Variants in ST8SIA1 observed in about 807,000 individuals in gnomAD.
The protein encoded by ST8SIA1 is ST8 alpha-N-acetyl-neuraminide alpha-2,8-sialyltransferase 1.
A neutral mutation model predicts 35.9 loss-of-function variants in ST8SIA1; 16 were observed. The ratio of observed to expected loss-of-function variants is 0.45; its 90% confidence interval spans 0.30 to 0.68. The LOEUF is 0.68. Among genes scored for constraint, ST8SIA1 ranks in the 30% least tolerant of loss-of-function variants. ST8SIA1 has a pLI of 0.09. For synonymous variants in ST8SIA1, 170 were observed against 169.6 expected, an observed-to-expected ratio of 1.00 and a Z score of -0.02; for missense variants, 383 against 453.6, an observed-to-expected ratio of 0.84 and a Z score of 1.41.
At chr12:22,326,030 A>G (rs1866674714) in intron 1 of ST8SIA1, 1 of 469,334 alleles carries the variant, frequency 2.1e-6, no homozygotes, top group Admixed American at 4.1e-5. Flanking sequence ...AAAACTTATG[A>G]ATTGTTTATT....
intron 1 of ST8SIA1, among the ~76,000 whole-genome samples, chr12:22,291,833 T>G (rs1376313235): frequency 6.6e-6 from 1 of 152,138 alleles, no homozygotes; most frequent in Non-Finnish European, 1.5e-5. Context: ...ACAAAAAAAT[T>G]ATGAGGAATT....
At chr12:22,317,190 A>G (rs1021250027) in intron 1 of ST8SIA1, among the ~76,000 whole-genome samples, 5 of 152,334 alleles carry the variant, frequency 3.3e-5, no homozygotes, top group African/African-American at 1.2e-4. Flanking sequence ...AAAATAAAAC[A>G]GTATTGCTTT....
intron 2 of ST8SIA1, among the ~76,000 whole-genome samples, chr12:22,285,908 T>G (rs1175323247): frequency 8.2e-6 from 1 of 122,324 alleles, no homozygotes; most frequent in Admixed American, 7.7e-5. Context: ...GACATTTCCA[T>G]GCATTATCTA....
At chr12:22,261,306 G>C (rs558292350) in intron 2 of ST8SIA1, among the ~76,000 whole-genome samples, 186 of 151,958 alleles carry the variant, frequency 1.2e-3, no homozygotes, top group African/African-American at 4.2e-3. Context: ...CACCACGCTC[G>C]GGTCTTTTTT....
intron 1 of ST8SIA1, chr12:22,325,292 C>A: frequency 1.7e-6 from 1 of 575,346 alleles, no homozygotes; most frequent in South Asian, 2.2e-5. Flanking sequence ...ACGAAAGGCC[C>A]TTTTCTCATT....
At chr12:22,319,116 A>G (rs543245481) in intron 1 of ST8SIA1, among the ~76,000 whole-genome samples, 31 of 152,214 alleles carry the variant, frequency 2.0e-4, no homozygotes, top group Non-Finnish European at 3.7e-4. Flanking sequence ...TCTTTGTAAA[A>G]TAAGTATAAT....
chr12:22,260,612 C>T (rs190502255), intron 2 of ST8SIA1, among the ~76,000 whole-genome samples: 17 of 152,256 alleles, frequency 1.1e-4, no homozygotes, highest in Admixed American at 9.2e-4. Flanking sequence ...CCTTCAACCC[C>T]TCAGTGCCTC....
chr12:22,318,991 T>C (rs1379098550), intron 1 of ST8SIA1, among the ~76,000 whole-genome samples: 2 of 152,204 alleles, frequency 1.3e-5, no homozygotes, highest in African/African-American at 4.8e-5. Flanking sequence ...GATCTTAACA[T>C]CCACAAACAT....
At chr12:22,315,898 G>A (rs1424975506) in intron 1 of ST8SIA1, among the ~76,000 whole-genome samples, 1 of 152,096 alleles carries the variant, frequency 6.6e-6, no homozygotes, top group Non-Finnish European at 1.5e-5. Context: ...TAGATGATGG[G>A]TTGATAGGTA....
rs757057209 is a variant in ST8SIA1 at position 22,334,577 on chromosome 12, C to T, written c.-345G>A. The T allele has an allele frequency of 7.4e-4, 250 of 338,856 alleles. No homozygotes were observed. The highest frequency in any genetic ancestry group is 1.2e-3 in the Non-Finnish European group (227 of 181,652). The allele number at this position is 338,856 out of a possible 1,614,324, so 21.0% of individuals were successfully genotyped here. On this transcript the variant is annotated 5_prime_UTR_variant, in exon 1 of 5. Coordinates refer to ENST00000396037, the MANE Select transcript of ST8SIA1 (RefSeq NM_003034.4). Reference sequence around the variant, plus strand: ...CCCGCCGGTTCTGCAGCATCACGGTCGCCCTCGGCGAGGGTCCGGGAGAAG... The same window carrying T: ...CCCGCCGGTTCTGCAGCATCACGGTTGCCCTCGGCGAGGGTCCGGGAGAAG...
At chr12:22,288,880 T>C (rs1591845677) in intron 1 of ST8SIA1, among the ~76,000 whole-genome samples, 1 of 152,166 alleles carries the variant, frequency 6.6e-6, no homozygotes, top group African/African-American at 2.4e-5. Flanking sequence ...GTAAAGGTTT[T>C]CTTTGTTGTT....
chr12:22,289,693 A>G (rs1160100166), intron 1 of ST8SIA1, among the ~76,000 whole-genome samples: 1 of 152,178 alleles, frequency 6.6e-6, no homozygotes, highest in Non-Finnish European at 1.5e-5. Context: ...ATTTCCAACA[A>G]GACCATGGCT....
In ST8SIA1 at chr12:22,334,490, C is replaced by A. The variant is rs1866821348; in HGVS notation, c.-258G>T. The A allele has an allele frequency of 1.3e-5, 7 of 535,336 alleles. No homozygotes were observed. Among genetic ancestry groups the A allele is most frequent in the Non-Finnish European group, 2.3e-5 (7 of 299,378 alleles). 33.2% of individuals were successfully genotyped at this position (535,336 alleles called of 1,614,324 possible). On this transcript the variant is annotated 5_prime_UTR_variant, in exon 1 of 5. Transcript: ENST00000396037. ...TCACGATCTATGGCCATGGTCGCTT[C>A]CCCTGCAGAAGGCGGGCGCTGGGGT...
At chr12:22,219,821 C>T (rs1865277590) in intron 4 of ST8SIA1, among the ~76,000 whole-genome samples, 1 of 152,144 alleles carries the variant, frequency 6.6e-6, no homozygotes, top group Non-Finnish European at 1.5e-5. Flanking sequence ...CATGACCCAT[C>T]TGCAATGAAT....
chr12:22,262,849 T>C (rs1308512190), intron 2 of ST8SIA1, among the ~76,000 whole-genome samples: 1 of 152,150 alleles, frequency 6.6e-6, no homozygotes, highest in Non-Finnish European at 1.5e-5. Flanking sequence ...AATCTAAGAA[T>C]TAAAAAGAAG....
At chr12:22,229,615 CAAAA>C (rs11290260) in intron 4 of ST8SIA1, among the ~76,000 whole-genome samples, 2,106 of 93,800 alleles carry the variant, frequency 0.022, 36 homozygotes, top group Admixed American at 0.088. Flanking sequence ...GACCGGGTTT[CAAAA>C]AAAAAAAAAA....
chr12:22,264,606 C>A (rs993000899), intron 2 of ST8SIA1, among the ~76,000 whole-genome samples: 1 of 151,890 alleles, frequency 6.6e-6, no homozygotes, highest in Non-Finnish European at 1.5e-5. Context: ...ATGAAAATAT[C>A]TGGTAATTAG....
Position 22,198,021 on chromosome 12 carries a change from C to G in ST8SIA1, c.*3531G>C, listed in dbSNP as rs1257460382. 1.3e-5 allele frequency: 2 copies of G among 152,120 alleles called. No homozygotes were observed. 9.4% of individuals were successfully genotyped at this position (152,120 alleles called of 1,614,324 possible). A position where few individuals can be genotyped will look rare whatever the true frequency, so the allele number is the denominator to read the frequency against. ...ATAAAAATCTTTCATATAAACATTA[C>G]TTTTCTTAATTATGGAATGACTTAA... On this transcript the variant is annotated 3_prime_UTR_variant, in exon 5 of 5. Transcript: ENST00000396037.
chr12:22,270,671 G>C (rs1250568550), intron 2 of ST8SIA1, among the ~76,000 whole-genome samples: 1 of 152,166 alleles, frequency 6.6e-6, no homozygotes, highest in African/African-American at 2.4e-5. Context: ...GGGGTGAAAG[G>C]GGGCTGGATA....
Sources: allele counts gnomAD v4.1 joint callset (sites outside exome capture counted in the v4.1 genomes callset), GRCh38; gene constraint gnomAD v4.1.1; transcripts MANE v1.5; gene names NCBI Gene and HGNC (gene_info 2026-07-23, HGNC 2026-07-21).